The following ZFYVE16 variants were observed in gnomAD, a reference collection of about 807,000 sequenced individuals.
ZFYVE16 encodes the protein zinc finger FYVE domain-containing protein 16.
ZFYVE16 carries 89 observed loss-of-function variants against 138.1 expected under a neutral mutation model. The observed-to-expected ratio is 0.64, with a 90% CI of 0.54 to 0.77. ZFYVE16 has a LOEUF of 0.77. Among genes scored for constraint, ZFYVE16 ranks in the 30% least tolerant of loss-of-function variants. The pLI, the probability that ZFYVE16 is intolerant of heterozygous loss-of-function variation, is 0.00. For missense variants in ZFYVE16, 1,793 were observed against 1,786.7 expected (o/e 1.00, Z -0.06); for synonymous variants, 596 against 618.3 (o/e 0.96, Z 0.53).
chr5:80,418,857 T>C (rs770935980), intron 1 of ZFYVE16, among the ~76,000 whole-genome samples: 3 of 152,168 alleles, frequency 2.0e-5, no homozygotes, highest in Admixed American at 6.5e-5. Flanking sequence ...TTATGTAGAT[T>C]TTCTCCTGTG....
chr5:80,438,633 A>G lies in ZFYVE16; in HGVS notation c.1948A>G (p.Lys650Glu). The change falls in exon 4 of 19, where the codon AAG (lysine) becomes GAG (glutamate). Residue 650 changes from lysine to glutamate, a missense_variant. Lys to Glu is a moderately conservative substitution (Grantham distance 56). Around this residue, in one of 2 missense-constraint regions of ZFYVE16, gnomAD observed 1,295 missense variants for 1,204.3 expected, o/e 1.08. Coordinates refer to ENST00000505560, the MANE Select transcript of ZFYVE16 (RefSeq NM_001284236.3). ...NSQSVGGARPKQLFSLPSRTR... is the reference protein window; with the variant it reads ...NSQSVGGARPEQLFSLPSRTR... ...TCAATCTGTTGGAGGGGCCAGACCTAAGCAATTGTTTAGCCTTCCATCAAG... is the reference window on the plus strand; with the variant it reads ...TCAATCTGTTGGAGGGGCCAGACCTGAGCAATTGTTTAGCCTTCCATCAAG... 1 of 1,614,096 alleles carries G rather than the reference A, an allele frequency of 6.2e-7. No individual in the cohort carries two copies. Among genetic ancestry groups the G allele is most frequent in the Non-Finnish European group, 8.5e-7 (1 of 1,179,982 alleles).
At chr5:80,428,454 A>G (rs945482614) in intron 2 of ZFYVE16, among the ~76,000 whole-genome samples, 8 of 152,166 alleles carry the variant, frequency 5.3e-5, no homozygotes, top group East Asian at 1.9e-4. Context: ...AACCCCATCT[A>G]TACGTCACCA....
intron 8 of ZFYVE16, among the ~76,000 whole-genome samples, chr5:80,449,160 T>C (rs530280843): frequency 2.5e-4 from 38 of 152,170 alleles, no homozygotes; most frequent in Non-Finnish European, 3.7e-4. Context: ...GTCACTGATA[T>C]AGGCATATGG....
intron 1 of ZFYVE16, among the ~76,000 whole-genome samples, chr5:80,426,232 G>GTT (rs1748000688): frequency 7.3e-6 from 1 of 137,534 alleles, no homozygotes; most frequent in African/African-American, 2.9e-5. Context: ...GTGTGTGTAT[G>GTT]TGTGTGTGTC....
At chr5:80,417,629 T>A (rs543557648) in intron 1 of ZFYVE16, among the ~76,000 whole-genome samples, 1 of 152,304 alleles carries the variant, frequency 6.6e-6, no homozygotes, top group African/African-American at 2.4e-5. Context: ...TAAGATTCAC[T>A]CGTGTTTTTG....
intron 1 of ZFYVE16, among the ~76,000 whole-genome samples, chr5:80,423,146 C>G (rs550394452): frequency 1.1e-4 from 17 of 152,224 alleles, no homozygotes; most frequent in Admixed American, 7.2e-4. Context: ...GTGGATCCAT[C>G]TGGATCTGGT....
chr5:80,450,293 T>G, intron 9 of ZFYVE16, 138 bp from the exon 10 acceptor site: 1 of 758,794 alleles, frequency 1.3e-6, no homozygotes, highest in Non-Finnish European at 2.1e-6. Flanking sequence ...TCTTATACAA[T>G]TCAATTTAAG....
intron 3 of ZFYVE16, among the ~76,000 whole-genome samples, chr5:80,434,814 T>C (rs1416341713): frequency 6.6e-6 from 1 of 152,198 alleles, no homozygotes; most frequent in Non-Finnish European, 1.5e-5. Flanking sequence ...ACTTGAGAGT[T>C]CTGCATGAAT....
chr5:80,455,877 T>C, intron 12 of ZFYVE16, 103 bp downstream of exon 12: 2 of 984,314 alleles, frequency 2.0e-6, no homozygotes, highest in Non-Finnish European at 2.9e-6. Context: ...ATTTGCCATA[T>C]TTGGTATAAT....
rs1750303285 is a variant in ZFYVE16, at chr5:80,438,746, C to T, written c.2061C>T (p.Ile687=). The T allele has an allele frequency of 6.2e-7, 1 of 1,613,996 alleles. No individual in the cohort carries two copies. Among genetic ancestry groups the T allele is most frequent in the African/African-American group, 1.3e-5 (1 of 74,930 alleles). The part of the protein sequence containing the change: ...EPSTADTVVP[I]TCAIDSTADP... ...GCACAGCAGATACCGTTGTTCCAAT[C>T]ACTTGTGCTATAGATTCTACAGCTG... Residue 687 remains isoleucine, a synonymous_variant, in exon 4 of 19, where the codon ATC becomes ATT. Coordinates refer to ENST00000505560, the MANE Select transcript of ZFYVE16 (RefSeq NM_001284236.3).
rs370642616 is a variant in ZFYVE16, at chr5:80,456,933, G to A, written c.3796-12G>A. On this transcript the variant is annotated splice_polypyrimidine_tract_variant and intron_variant, in intron 13 of 18. Coordinates refer to ENST00000505560, the MANE Select transcript of ZFYVE16 (RefSeq NM_001284236.3). ...TTTCTAAATAAATGTTGTTGTTTTTGTTTTTTTCCAGGTAATGAAAGTACT... is the reference window on the plus strand; with the variant it reads ...TTTCTAAATAAATGTTGTTGTTTTTATTTTTTTCCAGGTAATGAAAGTACT... 1.3e-6 allele frequency: 2 copies of A among 1,579,098 alleles called. No homozygotes were observed. The highest frequency in any genetic ancestry group is 2.8e-5 in the African/African-American group (2 of 72,468).
At position 80,456,412 on chromosome 5, in the gene ZFYVE16, A is replaced by G. The variant is rs2112476444; in HGVS notation, c.3691-49A>G. On this transcript the variant is annotated intron_variant, in intron 12 of 18. Coordinates refer to ENST00000505560, the MANE Select transcript of ZFYVE16 (RefSeq NM_001284236.3). ...TCTTAAAGAAGGATTTAATGGATAG[A>G]AAAATACTCATGGTTAGTAGTTTAT... is the stretch of plus-strand genomic sequence containing the variant. 2.9e-6 allele frequency: 4 copies of G among 1,370,372 alleles called. 1 individual carries two copies. In the South Asian group the frequency reaches 5.0e-5, roughly 17 times the overall value. The allele number at this position is 1,370,372 out of a possible 1,614,324, so 84.9% of individuals were successfully genotyped here. A position where few individuals can be genotyped will look rare whatever the true frequency, so the allele number is the denominator to read the frequency against.
chr5:80,434,024 T>C, intron 2 of ZFYVE16, 85 bp from the exon 3 acceptor site: 1 of 891,598 alleles, frequency 1.1e-6, no homozygotes, highest in Non-Finnish European at 1.7e-6. Context: ...TGTCAATTTC[T>C]TGACTGTGTT....
chr5:80,479,286 CTT>C lies in ZFYVE16; in HGVS notation c.*1912_*1913del, dbSNP rs1269448982. The C allele has an allele frequency of 6.6e-6, 1 of 152,134 alleles. No homozygotes were observed. The highest frequency in any genetic ancestry group is 1.5e-5 in the Non-Finnish European group (1 of 67,996). The allele number at this position is 152,134 out of a possible 1,614,324, so 9.4% of individuals were successfully genotyped here. A position where few individuals can be genotyped will look rare whatever the true frequency, so the allele number is the denominator to read the frequency against. ...GCAATGATCTATTTTTGGCTTATGT[CTT>C]TTAATACTACTCTCTTTCTCTGAAT... On this transcript the variant is annotated 3_prime_UTR_variant, in exon 19 of 19. Transcript: ENST00000505560.
chr5:80,416,683 T>C (rs1185453089), intron 1 of ZFYVE16, among the ~76,000 whole-genome samples: 1 of 152,136 alleles, frequency 6.6e-6, no homozygotes, highest in African/African-American at 2.4e-5. Context: ...CATTGTTGTA[T>C]GTGTGTACAT....
intron 15 of ZFYVE16, among the ~76,000 whole-genome samples, chr5:80,463,169 T>G (rs950734472): frequency 6.6e-6 from 1 of 152,182 alleles, no homozygotes; most frequent in African/African-American, 2.4e-5. Flanking sequence ...TGTGGGGACA[T>G]TTCCCTTCTG....
At position 80,434,215 on chromosome 5, in the gene ZFYVE16, C is replaced by G; in HGVS notation, c.68C>G (p.Pro23Arg). Residue 23 changes from proline to arginine, a missense_variant and splice_region_variant, in exon 3 of 19, where the codon CCA becomes CGA. Physicochemically the swap from Pro to Arg is moderately radical, Grantham distance 103 (BLOSUM62 -2). Coordinates refer to ENST00000505560, the MANE Select transcript of ZFYVE16 (RefSeq NM_001284236.3). ...CTCCTTGATGATTTTGAACAGAACC[C>G]AGGTTTGTTGATTTTCCATTTTTGC... Reference protein sequence around the residue: ...DKLLDDFEQNPDEQDYLQDVQ... With the variant: ...DKLLDDFEQNRDEQDYLQDVQ... 1 of 1,612,772 alleles carries G rather than the reference C, an allele frequency of 6.2e-7. No individual in the cohort carries two copies.
intron 15 of ZFYVE16, among the ~76,000 whole-genome samples, chr5:80,464,898 C>A (rs1210438151): frequency 6.6e-6 from 1 of 152,056 alleles, no homozygotes; most frequent in African/African-American, 2.4e-5. Flanking sequence ...CAGATAAATA[C>A]CAATCTAATT....
chr5:80,415,750 C>T (rs1746120951), intron 1 of ZFYVE16, among the ~76,000 whole-genome samples: 1 of 152,118 alleles, frequency 6.6e-6, no homozygotes, highest in Non-Finnish European at 1.5e-5. Flanking sequence ...TCACTGCAAC[C>T]TCTGCCTACC....
Sources: allele counts gnomAD v4.1 joint callset (sites outside exome capture counted in the v4.1 genomes callset), GRCh38; gene constraint gnomAD v4.1.1; regional missense constraint gnomAD v4.1.1; transcripts MANE v1.5; gene names NCBI Gene and HGNC (gene_info 2026-07-23, HGNC 2026-07-21).